API5: variants seen among roughly 807,000 people sequenced by gnomAD.
API5 encodes the protein apoptosis inhibitor 5.
API5 carries 6 observed loss-of-function variants against 71.9 expected under a neutral mutation model. The observed-to-expected ratio is 0.08, with a 90% confidence interval of 0.05 to 0.16. The LOEUF is 0.16. Ranked by LOEUF, API5 falls within the 10% of genes least tolerant of loss-of-function variation. API5 has a pLI of 1.00. For synonymous variants in API5, 189 were observed against 221.3 expected (o/e 0.85, Z 1.30); for missense variants, 332 against 612.8 (o/e 0.54, Z 4.84).
rs1855699833 is a variant in API5, at chr11:43,343,845, C to CT, written c.*1335_*1336insT. On this transcript the variant is annotated 3_prime_UTR_variant, in exon 14 of 14. Transcript: ENST00000531273. ...CTATTCAAATCAACTGCCTGAATGA[C>CT]ATTTCTAGTAGTCTGATGTATTTTT... The CT allele has an allele frequency of 6.6e-6, 1 of 152,624 alleles. No homozygotes were observed. The highest frequency in any genetic ancestry group is 6.5e-5 in the Admixed American group (1 of 15,270). 9.5% of individuals were successfully genotyped at this position (152,624 alleles called of 1,614,324 possible).
intron 1 of API5, among the ~76,000 whole-genome samples, chr11:43,317,770 TG>T (rs1285525291): frequency 6.6e-6 from 1 of 152,052 alleles, no homozygotes; most frequent in East Asian, 1.9e-4. Flanking sequence ...CTCTGCCTCC[TG>T]GGTTCAAGCG....
At chr11:43,320,742 A>C in intron 2 of API5, 79 bp from the exon 3 acceptor site, 1 of 1,275,066 alleles carries the variant, frequency 7.8e-7, no homozygotes, top group South Asian at 1.3e-5. Context: ...AAAAAAAAAA[A>C]AAAGAAAGAA....
chr11:43,338,685 G>C (rs977611990), intron 13 of API5, among the ~76,000 whole-genome samples: 1 of 132,846 alleles, frequency 7.5e-6, no homozygotes, highest in Non-Finnish European at 1.6e-5. Context: ...TGCCAATATA[G>C]AAAAGATAAC....
chr11:43,335,184 A>C, intron 11 of API5, 94 bp from the exon 12 acceptor site: 3 of 868,020 alleles, frequency 3.5e-6, no homozygotes, highest in Non-Finnish European at 5.7e-6. Context: ...TCCTAAATTG[A>C]ATCTTTAAGA....
intron 13 of API5, among the ~76,000 whole-genome samples, chr11:43,341,749 A>C (rs1855623501): frequency 6.6e-6 from 1 of 152,222 alleles, no homozygotes; most frequent in South Asian, 2.1e-4. Context: ...TAGGTGTTTG[A>C]GATGATGGAT....
At chr11:43,314,544 A>T (rs1452819181) in intron 1 of API5, among the ~76,000 whole-genome samples, 1 of 152,214 alleles carries the variant, frequency 6.6e-6, no homozygotes, top group Non-Finnish European at 1.5e-5. Context: ...CTACACTTTA[A>T]TGAGGACTCC....
At chr11:43,328,689 A>C in intron 8 of API5, 23 bp from the exon 9 acceptor site, 1 of 1,603,660 alleles carries the variant, frequency 6.2e-7, no homozygotes, top group Non-Finnish European at 8.5e-7. Context: ...AGATTGCAAA[A>C]TCTGTATATT....
At chr11:43,313,732 T>G (rs1214672698) in intron 1 of API5, among the ~76,000 whole-genome samples, 2 of 152,192 alleles carry the variant, frequency 1.3e-5, no homozygotes, top group Admixed American at 1.3e-4. Context: ...ATACGGATGT[T>G]CTGCTGTACA....
chr11:43,324,901 A>G (rs1855017490), intron 6 of API5, among the ~76,000 whole-genome samples: 1 of 151,694 alleles, frequency 6.6e-6, no homozygotes, highest in African/African-American at 2.4e-5. Context: ...CTGCTCTCGC[A>G]CTCCTGAGTT....
chr11:43,317,350 C>T (rs1854706941), intron 1 of API5, among the ~76,000 whole-genome samples: 1 of 151,736 alleles, frequency 6.6e-6, no homozygotes, highest in Non-Finnish European at 1.5e-5. Flanking sequence ...TGATTCCTCC[C>T]ATTATGAGTA....
chr11:43,335,760 AG>A, intron 12 of API5, 97 bp from the exon 13 acceptor site: 1 of 1,306,920 alleles, frequency 7.7e-7, no homozygotes, highest in Admixed American at 2.7e-5. Flanking sequence ...TATCCTCTTT[AG>A]GATGTCTTTC....
chr11:43,327,643 A>G (rs995027994), intron 7 of API5, 146 bp from the exon 8 acceptor site: 6 of 567,846 alleles, frequency 1.1e-5, no homozygotes, highest in South Asian at 5.4e-5. Context: ...GGCTGCATCT[A>G]TCTCTAAGGT....
chr11:43,341,749 AGAT>A (rs1277333315), intron 13 of API5, among the ~76,000 whole-genome samples: 10 of 152,222 alleles, frequency 6.6e-5, no homozygotes, highest in African/African-American at 2.4e-4. Context: ...TAGGTGTTTG[AGAT>A]GATGGATATG....
chr11:43,328,090 A>G (rs987917209), intron 8 of API5, among the ~76,000 whole-genome samples: 11 of 152,212 alleles, frequency 7.2e-5, no homozygotes, highest in Non-Finnish European at 1.5e-5. Context: ...GCCATCTGAT[A>G]AAATCATTAT....
chr11:43,335,008 G>T (rs1855383194), intron 11 of API5, among the ~76,000 whole-genome samples: 1 of 152,116 alleles, frequency 6.6e-6, no homozygotes, highest in Non-Finnish European at 1.5e-5. Context: ...GTTTATTAAA[G>T]TGGATAAATA....
Position 43,336,000 on chromosome 11 carries a change from C to T in API5, c.1492+6C>T, listed in dbSNP as rs1455592378. The T allele has an allele frequency of 4.3e-6, 7 of 1,612,894 alleles. No homozygotes were observed. Among genetic ancestry groups the T allele is most frequent in the East Asian group, 2.2e-5 (1 of 44,856 alleles). ...TTTGGGCAACTTTAATTATGGTGAG[C>T]GTTTCCGTTTGGGTACAAGGAATAT... On this transcript the variant is annotated splice_donor_region_variant and intron_variant, in intron 13 of 13. Transcript: ENST00000531273.
intron 1 of API5, among the ~76,000 whole-genome samples, chr11:43,316,187 T>A (rs778657871): frequency 6.6e-6 from 1 of 152,154 alleles, no homozygotes; most frequent in African/African-American, 2.4e-5. Flanking sequence ...CTCAAAAATA[T>A]GTGGAAATAT....
At chr11:43,319,275 T>G (rs190496173) in intron 2 of API5, among the ~76,000 whole-genome samples, 1 of 152,158 alleles carries the variant, frequency 6.6e-6, no homozygotes, top group Non-Finnish European at 1.5e-5. Context: ...TGTTTTTTGG[T>G]TTTTGGGGGG....
At chr11:43,318,878 T>G (rs1054675641) in intron 2 of API5, 77 bp downstream of exon 2, 1 of 1,424,494 alleles carries the variant, frequency 7.0e-7, no homozygotes, top group Non-Finnish European at 9.6e-7. Flanking sequence ...AGTAGCAATC[T>G]GATATATCAG....
Sources: allele counts gnomAD v4.1 joint callset (sites outside exome capture counted in the v4.1 genomes callset), GRCh38; gene constraint gnomAD v4.1.1; transcripts MANE v1.5; gene names NCBI Gene and HGNC (gene_info 2026-07-23, HGNC 2026-07-21).